Variants in BIRC6 observed in about 807,000 individuals in gnomAD.
The protein encoded by BIRC6 is baculoviral IAP repeat containing 6, also known as dual E2 ubiquitin-conjugating enzyme/E3 ubiquitin-protein ligase BIRC6.
BIRC6 carries 98 observed loss-of-function variants against 503.3 expected under a neutral mutation model. That is an observed-to-expected ratio of 0.19 (90% CI 0.17 to 0.23). The LOEUF is 0.23. Among genes scored for constraint, BIRC6 ranks in the 10% least tolerant of loss-of-function variants. BIRC6 has a pLI of 1.00. For missense variants in BIRC6, 5,360 were observed against 5,806.0 expected (o/e 0.92, Z 2.50); for synonymous variants, 2,240 against 2,078.7 (o/e 1.08, Z -2.11).
chr2:32,543,651 G>C (rs2057839305), intron 62 of BIRC6, 110 bp downstream of exon 62: 2 of 1,119,130 alleles, frequency 1.8e-6, no homozygotes, highest in Admixed American at 2.5e-5. Context: ...TAAGCTGTTA[G>C]ATGATTTGTA....
Position 32,395,399 on chromosome 2 carries a change from T to C in BIRC6, c.952-112T>C, listed in dbSNP as rs1224835137. On this transcript the variant is annotated intron_variant, in intron 5 of 73. Coordinates refer to ENST00000421745, the MANE Select transcript of BIRC6 (RefSeq NM_016252.4). ...CTAATATTATAGGCTAATTTTCTTA[T>C]TTTCAGTATAGAATTTTACTTAAAA... 6.3e-6 allele frequency: 5 copies of C among 788,274 alleles called. No homozygotes were observed. In the Admixed American group the frequency reaches 8.3e-5, roughly 13 times the overall value. The allele number at this position is 788,274 out of a possible 1,614,324, so 48.8% of individuals were successfully genotyped here. A position where few individuals can be genotyped will look rare whatever the true frequency, so the allele number is the denominator to read the frequency against.
chr2:32,610,255 C>G (rs931638088), intron 72 of BIRC6, among the ~76,000 whole-genome samples: 4 of 152,118 alleles, frequency 2.6e-5, no homozygotes, highest in Admixed American at 6.6e-5. Flanking sequence ...AATGCTCAAC[C>G]AGAATACAGA....
intron 65 of BIRC6, among the ~76,000 whole-genome samples, 157 bp from the exon 66 acceptor site, chr2:32,574,999 C>T (rs1022569469): frequency 5.3e-5 from 8 of 152,194 alleles, no homozygotes; most frequent in Non-Finnish European, 5.9e-5. Context: ...CTGCCTGCCT[C>T]GGCCTCACAA....
Position 32,478,707 on chromosome 2 carries a change from G to C in BIRC6, c.7141G>C (p.Glu2381Gln), listed in dbSNP as rs138889495. Residue 2381 changes from glutamate to glutamine, a missense_variant, in exon 36 of 74, where the codon GAA (glutamate) becomes CAA (glutamine). Around this residue, in one of 16 missense-constraint regions of BIRC6, gnomAD observed 2,299 missense variants for 2,267.2 expected, o/e 1.01. Coordinates refer to ENST00000421745, the MANE Select transcript of BIRC6 (RefSeq NM_016252.4). ...TGAGATTGTGAACGAACCCCAGCTG[G>C]AAAGACTGCTGTTACTTTTGGTTGG... ...LCEIVNEPQL[E>Q]RLLLLLVGTD... The C allele has an allele frequency of 2.4e-5, 38 of 1,613,816 alleles. No individual in the cohort carries two copies. Among genetic ancestry groups the C allele is most frequent in the Non-Finnish European group, 3.1e-5 (36 of 1,179,868 alleles).
intron 3 of BIRC6, among the ~76,000 whole-genome samples, chr2:32,387,904 TTTAAAAAA>T (rs1336108284): frequency 2.0e-5 from 3 of 152,182 alleles, no homozygotes; most frequent in African/African-American, 7.2e-5. Context: ...TGAGGTTTCA[TTTAAAAAA>T]TTAAAAAATT....
chr2:32,510,487 T>C, intron 52 of BIRC6, 39 bp from the exon 53 acceptor site: 1 of 1,241,336 alleles, frequency 8.1e-7, no homozygotes, highest in South Asian at 1.3e-5. Flanking sequence ...GTTAACTTGC[T>C]TATTTAGCAA....
chr2:32,407,203 T>C (rs1462913607), intron 9 of BIRC6, among the ~76,000 whole-genome samples: 2 of 152,100 alleles, frequency 1.3e-5, no homozygotes, highest in Admixed American at 1.3e-4. Context: ...CCTAGCACTT[T>C]GGGAGGCCAC....
chr2:32,426,128 A>T (rs943822817), intron 10 of BIRC6, among the ~76,000 whole-genome samples: 1 of 152,216 alleles, frequency 6.6e-6, no homozygotes, highest in Admixed American at 6.5e-5. Flanking sequence ...TTGGCATGAA[A>T]TCACTGGTCC....
At chr2:32,475,565 G>A (rs539829604) in intron 33 of BIRC6, among the ~76,000 whole-genome samples, 2 of 152,216 alleles carry the variant, frequency 1.3e-5, no homozygotes, top group Admixed American at 6.5e-5. Context: ...AACTAAATAC[G>A]TACACAGACA....
In BIRC6 at chr2:32,501,856, A is replaced by C; in HGVS notation, c.9175A>C (p.Thr3059Pro). 6.2e-7 allele frequency: 1 copy of C among 1,613,568 alleles called. No homozygotes were observed. The highest frequency in any genetic ancestry group is 8.5e-7 in the Non-Finnish European group (1 of 1,179,752). Residue 3059 changes from threonine to proline, a missense_variant, in exon 47 of 74, where the codon ACA (threonine) becomes CCA (proline). This residue lies in a region of BIRC6 where 267 missense variants were observed against 287.6 expected (regional missense o/e 0.93). Coordinates refer to ENST00000421745, the MANE Select transcript of BIRC6 (RefSeq NM_016252.4). ...TVHMMLQPIL[T>P]YMACGYMGRQ... ...CCACATGATGCTGCAGCCAATTTTAACATACATGGCCTGTGGATATATGGG... is the reference window on the plus strand; with the variant it reads ...CCACATGATGCTGCAGCCAATTTTACCATACATGGCCTGTGGATATATGGG...
chr2:32,602,487 C>G (rs921382140), intron 70 of BIRC6: 2 of 152,150 alleles, frequency 1.3e-5, no homozygotes, highest in African/African-American at 4.8e-5. Flanking sequence ...ACAATTACAA[C>G]TAGATAGGAG....
rs70938343 is a variant in BIRC6 at position 32,420,937 on chromosome 2, ATTT to A, written c.2872+4788_2872+4790del. ...GTCTAGAGGTTTATCTGTTTTATTG[ATTT>A]TTTTTTTTTTTTTCAGAACAACCAG... On this transcript the variant is annotated intron_variant, in intron 10 of 73. Coordinates refer to ENST00000421745, the MANE Select transcript of BIRC6 (RefSeq NM_016252.4). Among the ~76,000 whole-genome samples, 162 of 128,336 alleles carry A rather than the reference ATTT, an allele frequency of 1.3e-3. No individual in the cohort carries two copies. In the Middle Eastern group the frequency reaches 0.013, roughly 10 times the overall value. 84.2% of individuals were successfully genotyped at this position (128,336 alleles called of 152,430 possible).
chr2:32,425,011 G>C (rs2043327202), intron 10 of BIRC6, among the ~76,000 whole-genome samples: 1 of 151,992 alleles, frequency 6.6e-6, no homozygotes, highest in African/African-American at 2.4e-5. Flanking sequence ...GATTAGTGAT[G>C]TTGAGCATTT....
At chr2:32,451,093 C>G (rs566683475) in intron 22 of BIRC6, among the ~76,000 whole-genome samples, 3 of 152,340 alleles carry the variant, frequency 2.0e-5, no homozygotes, top group South Asian at 2.1e-4. Flanking sequence ...AGCTTTCACA[C>G]TGGTCTGCCT....
chr2:32,481,086 A>G (rs1572523325), intron 37 of BIRC6, among the ~76,000 whole-genome samples: 1 of 152,332 alleles, frequency 6.6e-6, no homozygotes, highest in African/African-American at 2.4e-5. Flanking sequence ...AGCAAAGTTT[A>G]TGCAACTTAC....
chr2:32,459,079 A>C (rs912271833), intron 23 of BIRC6, among the ~76,000 whole-genome samples: 1 of 152,016 alleles, frequency 6.6e-6, no homozygotes, highest in Admixed American at 6.6e-5. Flanking sequence ...TTAAAAATTG[A>C]TTTTCTAATT....
At position 32,415,886 on chromosome 2, in the gene BIRC6, T is replaced by C; in HGVS notation, c.2595T>C (p.Asp865=). Residue 865 remains aspartate, a synonymous_variant, in exon 10 of 74, where the codon GAT becomes GAC. Coordinates refer to ENST00000421745, the MANE Select transcript of BIRC6 (RefSeq NM_016252.4). The part of the protein sequence containing the change: ...TITSLILLPP[D]ILDNREDDCE... Reference sequence around the variant, plus strand: ...CCTCGCTCATTTTGCTTCCACCCGATATATTGGATAATCGAGAGGATGACT... The same window carrying C: ...CCTCGCTCATTTTGCTTCCACCCGACATATTGGATAATCGAGAGGATGACT... 1 of 1,613,980 alleles carries C rather than the reference T, an allele frequency of 6.2e-7. No individual in the cohort carries two copies. The highest frequency in any genetic ancestry group is 8.5e-7 in the Non-Finnish European group (1 of 1,179,880).
chr2:32,416,738 G>A (rs78155557), intron 10 of BIRC6, among the ~76,000 whole-genome samples: 4,564 of 152,064 alleles, frequency 0.03, 135 homozygotes, highest in African/African-American at 0.082. Context: ...ATAGTGTGCA[G>A]TTATTTTTTC....
In BIRC6 at chr2:32,547,832, AT is replaced by A; in HGVS notation, c.12811-12del. The A allele has an allele frequency of 6.5e-7, 1 of 1,528,984 alleles. No individual in the cohort carries two copies. Among genetic ancestry groups the A allele is most frequent in the African/African-American group, 1.4e-5 (1 of 71,422 alleles). The allele number at this position is 1,528,984 out of a possible 1,614,324, so 94.7% of individuals were successfully genotyped here. On this transcript the variant is annotated splice_polypyrimidine_tract_variant and intron_variant, in intron 63 of 73. Coordinates refer to ENST00000421745, the MANE Select transcript of BIRC6 (RefSeq NM_016252.4). ...CAAAAACAAATTGTAATGGATTTTC[AT>A]TTTTTGTTATTTTAAGCCACAGGTG...
Sources: gnomAD v4.1 joint callset for allele counts (sites outside exome capture counted in the v4.1 genomes callset) on GRCh38, gnomAD v4.1.1 for gene constraint, gnomAD v4.1.1 regional missense constraint, MANE v1.5 for transcripts, NCBI Gene and HGNC (gene_info 2026-07-23, HGNC 2026-07-21) for gene names.